Variants in DIAPH2 observed in about 807,000 individuals in gnomAD.
The protein encoded by DIAPH2 is diaphanous related formin 2.
DIAPH2 carries 35 observed loss-of-function variants against 92.7 expected under a neutral mutation model. The observed-to-expected ratio is 0.38, with a 90% CI of 0.29 to 0.50. DIAPH2 has a LOEUF of 0.50. Among genes scored for constraint, DIAPH2 ranks in the 20% least tolerant of loss-of-function variants. The probability of loss-of-function intolerance (pLI) is 0.94; values close to 1 mark genes in which losing one functional copy is unlikely to be tolerated. For missense variants in DIAPH2, 701 were observed against 819.5 expected (o/e 0.86, Z 1.77); for synonymous variants, 301 against 280.4 (o/e 1.07, Z -0.73).
At chrX:97,544,593 T>C (rs1043969157) in intron 26 of DIAPH2, among the ~76,000 whole-genome samples, 1 of 111,883 alleles carries the variant, frequency 8.9e-6, no homozygotes, top group Non-Finnish European at 1.9e-5. Flanking sequence ...TAAAAGCCTA[T>C]ACAGAAGTAA....
At chrX:96,702,034 T>C (rs1232928985) in intron 1 of DIAPH2, among the ~76,000 whole-genome samples, 1 of 112,468 alleles carries the variant, frequency 8.9e-6, no homozygotes, top group Non-Finnish European at 1.9e-5. Context: ...TAACAGGCTA[T>C]ATTTAAAATC....
chrX:97,065,501 A>C (rs909425857), intron 17 of DIAPH2, among the ~76,000 whole-genome samples: 1 of 111,659 alleles, frequency 9.0e-6, no homozygotes, highest in Non-Finnish European at 1.9e-5. Context: ...GCAATGCATT[A>C]CTCACATGTT....
chrX:97,378,122 C>G (rs2069518093), intron 24 of DIAPH2, among the ~76,000 whole-genome samples: 1 of 110,909 alleles, frequency 9.0e-6, no homozygotes, highest in South Asian at 3.8e-4. Flanking sequence ...GCAGCACACA[C>G]CTACAATCCC....
intron 5 of DIAPH2, among the ~76,000 whole-genome samples, chrX:96,908,596 T>G (rs976676952): frequency 3.2e-4 from 36 of 110,925 alleles, no homozygotes; most frequent in African/African-American, 1.0e-3. Context: ...GATTCCTTTT[T>G]TTTGTTTGTT....
chrX:96,899,761 T>C lies in DIAPH2; in HGVS notation c.588-12567T>C, dbSNP rs1481514648. On this transcript the variant is annotated intron_variant, in intron 5 of 26. Coordinates refer to ENST00000324765, the MANE Select transcript of DIAPH2 (RefSeq NM_006729.5). Reference sequence around the variant, plus strand: ...TTGCCCTGGCCAGAACTTCCAACACTATGTTGAATAGGAGTGGTGAGAGAG... The same window carrying C: ...TTGCCCTGGCCAGAACTTCCAACACCATGTTGAATAGGAGTGGTGAGAGAG... Among the ~76,000 whole-genome samples the C allele has an allele frequency of 5.5e-5, 6 of 109,717 alleles. No individual in the cohort carries two copies. The East Asian group carries it at 1.7e-3, about 32-fold the overall frequency.
chrX:97,113,139 C>T (rs1377733435), intron 20 of DIAPH2, among the ~76,000 whole-genome samples: 1 of 111,070 alleles, frequency 9.0e-6, no homozygotes, highest in Non-Finnish European at 1.9e-5. Context: ...ATGCACACAC[C>T]TATACATATA....
At chrX:96,962,637 C>T (rs1602669325) in intron 16 of DIAPH2, among the ~76,000 whole-genome samples, 1 of 104,718 alleles carries the variant, frequency 9.5e-6, no homozygotes, top group East Asian at 3.0e-4. Context: ...TATTTTCAGC[C>T]TATGTGTGTC....
At chrX:97,086,760 C>T (rs890676920) in intron 19 of DIAPH2, among the ~76,000 whole-genome samples, 3 of 111,147 alleles carry the variant, frequency 2.7e-5, no homozygotes, top group East Asian at 2.8e-4. Context: ...CCTTATTTCG[C>T]GGGAGGAGAA....
chrX:96,866,479 A>C (rs1010682858), intron 4 of DIAPH2, among the ~76,000 whole-genome samples: 1 of 111,837 alleles, frequency 8.9e-6, no homozygotes, highest in Non-Finnish European at 1.9e-5. Context: ...GCATTAACCT[A>C]CTGAGCTCCA....
intron 4 of DIAPH2, among the ~76,000 whole-genome samples, chrX:96,842,945 T>G (rs1007704029): frequency 1.8e-5 from 2 of 112,102 alleles, no homozygotes; most frequent in Admixed American, 1.9e-4. Flanking sequence ...ATGTTTCCAT[T>G]CACCTGTGTT....
intron 24 of DIAPH2, among the ~76,000 whole-genome samples, chrX:97,348,751 G>A (rs2069180880): frequency 1.8e-5 from 2 of 111,129 alleles, no homozygotes; most frequent in African/African-American, 6.5e-5. Flanking sequence ...CTTTCACAAT[G>A]TGGGCTCTTG....
At chrX:97,502,944 T>C (rs758156649) in intron 26 of DIAPH2, among the ~76,000 whole-genome samples, 1 of 112,137 alleles carries the variant, frequency 8.9e-6, no homozygotes, top group Admixed American at 9.5e-5. Context: ...GTCCAGCCTC[T>C]TTCTGAAAAT....
chrX:97,492,653 A>G (rs2070732513), intron 26 of DIAPH2, among the ~76,000 whole-genome samples: 1 of 110,873 alleles, frequency 9.0e-6, no homozygotes, highest in East Asian at 2.8e-4. Flanking sequence ...TTGAAGGACA[A>G]TTTTGCCAGA....
intron 1 of DIAPH2, among the ~76,000 whole-genome samples, chrX:96,723,412 G>A (rs1305642922): frequency 1.8e-5 from 2 of 111,506 alleles, no homozygotes; most frequent in East Asian, 5.6e-4. Flanking sequence ...TCTCTCTTCT[G>A]TCCCTTTATG....
At chrX:96,790,383 T>C (rs1442748036) in intron 4 of DIAPH2, among the ~76,000 whole-genome samples, 1 of 111,915 alleles carries the variant, frequency 8.9e-6, no homozygotes, top group Non-Finnish European at 1.9e-5. Context: ...AAAATTTAAT[T>C]GCTGAGCTGT....
At chrX:96,715,119 A>G (rs758763122) in intron 1 of DIAPH2, among the ~76,000 whole-genome samples, 1 of 112,306 alleles carries the variant, frequency 8.9e-6, no homozygotes, top group South Asian at 3.7e-4. Context: ...AGTGAATTAG[A>G]GAGTTCTGTA....
intron 24 of DIAPH2, among the ~76,000 whole-genome samples, chrX:97,369,339 G>C (rs149674367): frequency 9.0e-6 from 1 of 111,260 alleles, no homozygotes; most frequent in Non-Finnish European, 1.9e-5. Context: ...AATAGGGTGA[G>C]TGCATCTTGT....
chrX:97,424,940 G>A (rs760645954), intron 25 of DIAPH2, among the ~76,000 whole-genome samples: 12 of 111,423 alleles, frequency 1.1e-4, no homozygotes, highest in Non-Finnish European at 2.3e-4. Context: ...TCAACTTTTT[G>A]TCATATTTGT....
At chrX:97,444,462 TATA>T (rs1365051498) in intron 26 of DIAPH2, among the ~76,000 whole-genome samples, 3 of 111,878 alleles carry the variant, frequency 2.7e-5, no homozygotes, top group Middle Eastern at 9.2e-3. Context: ...TTATTTCAGT[TATA>T]ATACCTGTTC....
Sources: gnomAD v4.1 joint callset for allele counts (sites outside exome capture counted in the v4.1 genomes callset) on GRCh38, gnomAD v4.1.1 for gene constraint, MANE v1.5 for transcripts, NCBI Gene and HGNC (gene_info 2026-07-23, HGNC 2026-07-21) for gene names.